SQSTM1: variants seen among roughly 807,000 people sequenced by gnomAD.
The protein encoded by SQSTM1 is sequestosome-1.
Under a neutral mutation model 45.1 loss-of-function variants are expected in SQSTM1, and 36 were observed. The ratio of observed to expected loss-of-function variants is 0.80; its 90% CI spans 0.61 to 1.05. SQSTM1 has a LOEUF of 1.05. Among genes scored for constraint, SQSTM1 ranks in the 50% least tolerant of loss-of-function variants. SQSTM1 has a pLI of 0.00. For missense variants in SQSTM1, 617 were observed against 607.1 expected (o/e 1.02, Z -0.17); for synonymous variants, 290 against 244.3 (o/e 1.19, Z -1.74).
chr5:179,828,162 G>A (rs755497567), intron 5 of SQSTM1, among the ~76,000 whole-genome samples: 1 of 152,128 alleles, frequency 6.6e-6, no homozygotes, highest in Non-Finnish European at 1.5e-5. Context: ...TGGCTACTCC[G>A]TAGACAAAGT....
intron 2 of SQSTM1, chr5:179,813,733 C>CAGCCTGGTCT (rs1366077590): frequency 6.6e-6 from 1 of 151,166 alleles, no homozygotes; most frequent in Non-Finnish European, 1.5e-5. Flanking sequence ...TCAGCCTGGG[C>CAGCCTGGTCT]CACAGAGTGA....
Position 179,806,626 on chromosome 5 carries a change from T to G in SQSTM1, c.-157+35T>G. ...GGGCGCCCGCGGGGCCGAGGCTGCATGGCCCGGGGGACCGGGGCCGGGGCG... is the reference window on the plus strand; with the variant it reads ...GGGCGCCCGCGGGGCCGAGGCTGCAGGGCCCGGGGGACCGGGGCCGGGGCG... On this transcript the variant is annotated intron_variant, in intron 1 of 5. Transcript: ENST00000514093. The surrounding 1 kb of genome is among the most constrained non-coding windows in gnomAD (Gnocchi z 4.6). The G allele has an allele frequency of 9.1e-7, 1 of 1,097,060 alleles. No homozygotes were observed. The highest frequency in any genetic ancestry group is 1.2e-6 in the Non-Finnish European group (1 of 866,412). 68.0% of individuals were successfully genotyped at this position (1,097,060 alleles called of 1,614,324 possible). A position where few individuals can be genotyped will look rare whatever the true frequency, so the allele number is the denominator to read the frequency against.
intron 6 of SQSTM1, 78 bp from the exon 7 acceptor site, chr5:179,833,509 C>G: frequency 1.3e-6 from 2 of 1,513,210 alleles, no homozygotes; most frequent in African/African-American, 2.7e-5. Context: ...CCCCGACTGT[C>G]TGCCAGGAGC....
intron 7 of SQSTM1, among the ~76,000 whole-genome samples, chr5:179,834,799 ACTT>A (rs1202801585): frequency 2.0e-5 from 3 of 152,218 alleles, no homozygotes; most frequent in Non-Finnish European, 4.4e-5. Flanking sequence ...TCCCATGTCT[ACTT>A]CTTTCCACAC....
At chr5:179,820,816 G>C, upstream of SQSTM1, 2 of 972,554 alleles carry the variant, frequency 2.1e-6, no homozygotes, top group African/African-American at 1.7e-5. Flanking sequence ...GGTGGCGGGG[G>C]CGGGGAGGGC....
At chr5:179,808,688 C>T (rs1757295022) in intron 1 of SQSTM1, among the ~76,000 whole-genome samples, 2 of 151,988 alleles carry the variant, frequency 1.3e-5, no homozygotes, top group Non-Finnish European at 1.5e-5. Flanking sequence ...TGTGGTGGCT[C>T]ATGCCTGTAA....
At chr5:179,835,672 C>G (rs965238934) in intron 7 of SQSTM1, 1 of 121,220 alleles carries the variant, frequency 8.2e-6, no homozygotes, top group African/African-American at 2.8e-5. Flanking sequence ...AGAGGGAGAC[C>G]GTGGAGAAAG....
At chr5:179,831,386 G>T (rs1171562150) in intron 5 of SQSTM1, among the ~76,000 whole-genome samples, 2 of 152,222 alleles carry the variant, frequency 1.3e-5, no homozygotes, top group Non-Finnish European at 2.9e-5. Flanking sequence ...GGCAGGCTGG[G>T]TGCAGTGGCT....
chr5:179,829,364 T>C (rs901292348), intron 5 of SQSTM1, among the ~76,000 whole-genome samples: 3 of 152,182 alleles, frequency 2.0e-5, no homozygotes, highest in Non-Finnish European at 2.9e-5. Context: ...GAGGGAAAGT[T>C]AGTGATGGCG....
intron 1 of SQSTM1, chr5:179,822,575 G>C (rs539514662): frequency 2.9e-6 from 1 of 340,910 alleles, no homozygotes; most frequent in African/African-American, 2.1e-5. Flanking sequence ...GGGCCCCTCA[G>C]GAGCAGGTCA....
At chr5:179,833,466 C>T in intron 6 of SQSTM1, 121 bp from the exon 7 acceptor site, 2 of 1,137,344 alleles carry the variant, frequency 1.8e-6, no homozygotes, top group Non-Finnish European at 2.6e-6. Flanking sequence ...CCCTAGACCC[C>T]TGCAGCCTTA....
intron 5 of SQSTM1, 69 bp from the exon 6 acceptor site, chr5:179,832,963 C>A: frequency 1.3e-6 from 2 of 1,513,280 alleles, no homozygotes; most frequent in Non-Finnish European, 1.8e-6. Flanking sequence ...TCTCCACAGG[C>A]CAAGCTCCTG....
chr5:179,837,520 C>G lies in SQSTM1; in HGVS notation c.*927C>G. ...GAGTCCTTGCGTCCCATGAGGTCTT[C>G]CCGCAAGGCCTCTCAGACCCAGATG... On this transcript the variant is annotated 3_prime_UTR_variant, in exon 8 of 8. Coordinates refer to ENST00000389805, the MANE Select transcript of SQSTM1 (RefSeq NM_003900.5). The G allele has an allele frequency of 6.2e-7, 1 of 1,614,204 alleles. No individual in the cohort carries two copies. Among genetic ancestry groups the G allele is most frequent in the Admixed American group, 1.7e-5 (1 of 60,024 alleles).
chr5:179,821,121 G>C lies in SQSTM1; in HGVS notation c.185G>C (p.Gly62Ala). 2.2e-6 allele frequency: 3 copies of C among 1,375,064 alleles called. No homozygotes were observed. The South Asian group carries it at 5.0e-5, about 23-fold the overall frequency. The allele number at this position is 1,375,064 out of a possible 1,614,324, so 85.2% of individuals were successfully genotyped here. ...AALFPALRPG[G>A]FQAHYRDEDG... ...CTGTTCCCCGCGCTGCGGCCTGGCGGCTTCCAGGCGCACTACCGCGGTGAG... is the reference window on the plus strand; with the variant it reads ...CTGTTCCCCGCGCTGCGGCCTGGCGCCTTCCAGGCGCACTACCGCGGTGAG... The change falls in exon 1 of 8, where the codon GGC becomes GCC. Residue 62 changes from glycine to alanine, a missense_variant. Coordinates refer to ENST00000389805, the MANE Select transcript of SQSTM1 (RefSeq NM_003900.5).
At chr5:179,814,289 T>C (rs1757516390), upstream of SQSTM1, among the ~76,000 whole-genome samples, 1 of 151,892 alleles carries the variant, frequency 6.6e-6, no homozygotes, top group Non-Finnish European at 1.5e-5. Flanking sequence ...GTCAGAGGGG[T>C]AGGGAATGGA....
In SQSTM1 at chr5:179,837,385, C is replaced by G. The variant is rs1758632068; in HGVS notation, c.*792C>G. 1 of 1,586,224 alleles carries G rather than the reference C, an allele frequency of 6.3e-7. No individual in the cohort carries two copies. The highest frequency in any genetic ancestry group is 8.6e-7 in the Non-Finnish European group (1 of 1,164,724). ...GTATCTCGATTAATAACCTGCCAGT[C>G]CCAGATCACACATCATCATCGAAGT... is the stretch of plus-strand genomic sequence containing the variant. On this transcript the variant is annotated 3_prime_UTR_variant, in exon 8 of 8. Coordinates refer to ENST00000389805, the MANE Select transcript of SQSTM1 (RefSeq NM_003900.5).
At chr5:179,826,472 C>T (rs910798659) in intron 5 of SQSTM1, among the ~76,000 whole-genome samples, 5 of 151,542 alleles carry the variant, frequency 3.3e-5, no homozygotes, top group Admixed American at 6.6e-5. Context: ...TGGCCTTGCT[C>T]ATTCCACTTT....
At chr5:179,829,234 T>A (rs480822) in intron 5 of SQSTM1, among the ~76,000 whole-genome samples, 10,322 of 152,182 alleles carry the variant, frequency 0.068, 1,131 homozygotes, top group African/African-American at 0.23. Context: ...GAATGAGCAA[T>A]GGGCCCAGCA....
chr5:179,825,943 C>T (rs1002103787), intron 5 of SQSTM1, among the ~76,000 whole-genome samples: 2 of 152,138 alleles, frequency 1.3e-5, no homozygotes, highest in East Asian at 1.9e-4. Context: ...TTCAAGATGA[C>T]GGTGGATCTG....
Sources: gnomAD v4.1 joint callset for allele counts (sites outside exome capture counted in the v4.1 genomes callset) on GRCh38, gnomAD v4.1.1 for gene constraint, Gnocchi (gnomAD v3.1) non-coding constraint, MANE v1.5 for transcripts, NCBI Gene and HGNC (gene_info 2026-07-23, HGNC 2026-07-21) for gene names.